The following STRIP2 variants were observed in gnomAD, a reference collection of about 807,000 sequenced individuals.
STRIP2 encodes striatin interacting protein 2, also known as striatin-interacting protein 2.
Under a neutral mutation model 107.1 loss-of-function variants are expected in STRIP2, and 84 were observed. That is an observed-to-expected ratio of 0.78 (90% CI 0.66 to 0.94). The LOEUF (loss-of-function observed/expected upper bound fraction) is 0.94, where lower values mean the gene tolerates loss of function less well. Ranked by LOEUF, STRIP2 falls within the 40% of genes least tolerant of loss-of-function variation. The pLI is 0.00. For missense variants in STRIP2, 888 were observed against 1,034.2 expected, an observed-to-expected ratio of 0.86 and a Z score of 1.94; for synonymous variants, 394 against 400.4, an observed-to-expected ratio of 0.98 and a Z score of 0.19.
chr7:129,471,128 T>C (rs977727920), intron 18 of STRIP2, among the ~76,000 whole-genome samples: 3 of 152,182 alleles, frequency 2.0e-5, no homozygotes, highest in Admixed American at 6.5e-5. Context: ...TAGCAAGCAA[T>C]GTGTACTTGA....
chr7:129,472,786 T>C (rs1024069980), intron 18 of STRIP2, among the ~76,000 whole-genome samples: 8 of 128,952 alleles, frequency 6.2e-5, no homozygotes, highest in Non-Finnish European at 1.3e-4. Context: ...CTTTTTTTTT[T>C]TTTTTTTTTT....
In STRIP2 at chr7:129,465,370, A is replaced by G. The variant is rs1177814063; in HGVS notation, c.1776+632A>G. Reference sequence around the variant, plus strand: ...GAGGACAGGAGGCATTTCAAGCAGAAAAGCTAATATGCAAAAGTCCAGAGG... The same window carrying G: ...GAGGACAGGAGGCATTTCAAGCAGAGAAGCTAATATGCAAAAGTCCAGAGG... On this transcript the variant is annotated intron_variant, in intron 16 of 20. Coordinates refer to ENST00000249344, the MANE Select transcript of STRIP2 (RefSeq NM_020704.3). Among the ~76,000 whole-genome samples the G allele has an allele frequency of 5.3e-5, 8 of 152,190 alleles. No homozygotes were observed. In the East Asian group the frequency reaches 1.3e-3, roughly 26 times the overall value.
At chr7:129,470,201 C>T (rs983704309) in intron 17 of STRIP2, among the ~76,000 whole-genome samples, 6 of 152,190 alleles carry the variant, frequency 3.9e-5, no homozygotes, top group Admixed American at 3.9e-4. Context: ...GAGCTCCCAG[C>T]TTTCAGAAAG....
intron 16 of STRIP2, among the ~76,000 whole-genome samples, chr7:129,466,990 G>A (rs1457092356): frequency 6.6e-6 from 1 of 152,188 alleles, no homozygotes; most frequent in East Asian, 1.9e-4. Flanking sequence ...ATCAATCACA[G>A]TTGAAACATT....
chr7:129,465,501 AG>A (rs1255518561), intron 16 of STRIP2, among the ~76,000 whole-genome samples: 2 of 152,200 alleles, frequency 1.3e-5, no homozygotes, highest in Non-Finnish European at 2.9e-5. Flanking sequence ...AGGAAGCTGG[AG>A]GAATCGGCAA....
rs758358950 is a variant in STRIP2, at chr7:129,485,815, C to T, written c.2491C>T (p.Leu831Phe). The change falls in exon 21 of 21, where the codon CTC becomes TTC. Residue 831 changes from leucine to phenylalanine, a missense_variant. Transcript: ENST00000249344. ...ACAGCCCATCTGTTGGGAGGAGCTG[C>T]TCCAGAATCACTGACTAAGTTCTTG... ...FSQPICWEEL[L>F]QNH 1 of 1,613,962 alleles carries T rather than the reference C, an allele frequency of 6.2e-7. No individual in the cohort carries two copies. The highest frequency in any genetic ancestry group is 8.5e-7 in the Non-Finnish European group (1 of 1,180,028).
rs1327023434 is a variant in STRIP2, at chr7:129,487,735, T to G, written c.*1906T>G. On this transcript the variant is annotated 3_prime_UTR_variant, in exon 21 of 21. Transcript: ENST00000249344. ...CAGTCAGGCTAGTATGATTTTAATA[T>G]GATTTGAGTAAAAAGATAATTTTCA... The G allele has an allele frequency of 1.3e-5, 2 of 152,216 alleles. No homozygotes were observed. Among genetic ancestry groups the G allele is most frequent in the African/African-American group, 4.8e-5 (2 of 41,452 alleles). 9.4% of individuals were successfully genotyped at this position (152,216 alleles called of 1,614,324 possible).
intron 14 of STRIP2, 136 bp from the exon 15 acceptor site, chr7:129,463,908 G>C: frequency 1.5e-6 from 1 of 664,888 alleles, no homozygotes; most frequent in South Asian, 1.8e-5. Context: ...TGGATGCTGG[G>C]GAGATATGGT....
At chr7:129,441,909 C>G (rs1797908966) in intron 2 of STRIP2, among the ~76,000 whole-genome samples, 1 of 152,222 alleles carries the variant, frequency 6.6e-6, no homozygotes, top group African/African-American at 2.4e-5. Flanking sequence ...AGCCACCACA[C>G]CTGGCCTCAA....
intron 13 of STRIP2, 169 bp downstream of exon 13, chr7:129,460,541 AAAAT>A (rs1458868767): frequency 1.6e-6 from 1 of 644,512 alleles, no homozygotes; most frequent in East Asian, 2.8e-5. Context: ...AGAAAGATAA[AAAAT>A]AAAAAGTTAA....
At chr7:129,464,983 C>T (rs1349058023) in intron 16 of STRIP2, among the ~76,000 whole-genome samples, 1 of 151,604 alleles carries the variant, frequency 6.6e-6, no homozygotes, top group East Asian at 1.9e-4. Context: ...GTAGGAATCT[C>T]TAGCTTCTCA....
chr7:129,438,532 C>A (rs140424854), intron 1 of STRIP2, among the ~76,000 whole-genome samples: 1 of 152,146 alleles, frequency 6.6e-6, no homozygotes, highest in Non-Finnish European at 1.5e-5. Context: ...CTGTTATTAT[C>A]CTCATTTTAC....
chr7:129,456,626 G>A lies in STRIP2; in HGVS notation c.1022G>A (p.Arg341His), dbSNP rs189698068. The A allele has an allele frequency of 3.0e-5, 49 of 1,613,946 alleles. No individual in the cohort carries two copies. The highest frequency in any genetic ancestry group is 2.4e-4 in the African/African-American group (18 of 74,996). The change falls in exon 9 of 21, where the codon CGC (arginine) becomes CAC (histidine). Residue 341 changes from arginine (R) to histidine (H), a missense_variant. Coordinates refer to ENST00000249344, the MANE Select transcript of STRIP2 (RefSeq NM_020704.3). The part of the protein sequence containing the change: ...LAPPPSKLRG[R>H]RGSRRQLLTK... Reference sequence around the variant, plus strand: ...CCCCCACCCTCCAAGCTGCGAGGCCGCCGTGGCTCTCGAAGGGTATGGACT... The same window carrying A: ...CCCCCACCCTCCAAGCTGCGAGGCCACCGTGGCTCTCGAAGGGTATGGACT...
chr7:129,460,788 T>C (rs1798511643), intron 13 of STRIP2, among the ~76,000 whole-genome samples: 1 of 151,484 alleles, frequency 6.6e-6, no homozygotes, highest in African/African-American at 2.4e-5. Context: ...GGCTTAAGAG[T>C]GTCAGAGGTA....
In STRIP2 at chr7:129,461,901, G is replaced by T. The variant is rs999132870; in HGVS notation, c.1477-1065G>T. ...GATCCAAGAGAGGGGATAATTGCAG[G>T]ACTGAGGCATTCAACAAAGCAAATG... is the stretch of plus-strand genomic sequence containing the variant. On this transcript the variant is annotated intron_variant, in intron 13 of 20. Coordinates refer to ENST00000249344, the MANE Select transcript of STRIP2 (RefSeq NM_020704.3). The surrounding 1 kb of genome is among the most constrained non-coding windows in gnomAD (Gnocchi z 4.0). Among the ~76,000 whole-genome samples, 5 of 152,180 alleles carry T rather than the reference G, an allele frequency of 3.3e-5. No individual in the cohort carries two copies. The highest frequency in any genetic ancestry group is 2.6e-4 in the Admixed American group (4 of 15,284).
At chr7:129,435,511 T>C (rs1797711495) in intron 1 of STRIP2, among the ~76,000 whole-genome samples, 1 of 152,178 alleles carries the variant, frequency 6.6e-6, no homozygotes, top group Admixed American at 6.5e-5. Flanking sequence ...TCTGGCATAG[T>C]TGGTGGTCAA....
At chr7:129,448,328 C>G (rs1798092052) in intron 3 of STRIP2, among the ~76,000 whole-genome samples, 1 of 152,182 alleles carries the variant, frequency 6.6e-6, no homozygotes, top group African/African-American at 2.4e-5. Context: ...GATCATTTCC[C>G]TTTCCCCAGT....
Position 129,464,601 on chromosome 7 carries a change from C to A in STRIP2, c.1650-11C>A. On this transcript the variant is annotated splice_polypyrimidine_tract_variant and intron_variant, in intron 15 of 20. Transcript: ENST00000249344. ...CACTCTCTGCACTAATACCTTCTCT[C>A]CCCATTGTAGCATCACTGTTCTCCA... is the stretch of plus-strand genomic sequence containing the variant. 1 of 1,613,906 alleles carries A rather than the reference C, an allele frequency of 6.2e-7. No individual in the cohort carries two copies. Among genetic ancestry groups the A allele is most frequent in the South Asian group, 1.1e-5 (1 of 91,066 alleles).
chr7:129,451,465 C>T (rs994276085), intron 3 of STRIP2, 148 bp from the exon 4 acceptor site: 5 of 1,119,056 alleles, frequency 4.5e-6, no homozygotes, highest in Non-Finnish European at 6.4e-6. Context: ...TTTCCCATAC[C>T]TTATTCTTTC....
Sources: gnomAD v4.1 joint callset for allele counts (sites outside exome capture counted in the v4.1 genomes callset) on GRCh38, gnomAD v4.1.1 for gene constraint, Gnocchi (gnomAD v3.1) non-coding constraint, MANE v1.5 for transcripts, NCBI Gene and HGNC (gene_info 2026-07-23, HGNC 2026-07-21) for gene names.